The following GALC variants were observed in gnomAD, a reference collection of about 807,000 sequenced individuals.
GALC encodes the protein galactocerebrosidase.
GALC carries 77 observed loss-of-function variants against 91.8 expected under a neutral mutation model. The ratio of observed to expected loss-of-function variants is 0.84; its 90% CI spans 0.70 to 1.01. The LOEUF (loss-of-function observed/expected upper bound fraction) is 1.01. Among genes scored for constraint, GALC ranks in the 50% least tolerant of loss-of-function variants. The pLI, the probability that GALC is intolerant of heterozygous loss-of-function variation, is 0.00. For missense variants in GALC, 882 were observed against 855.9 expected (o/e 1.03, Z -0.38); for synonymous variants, 357 against 306.7 (o/e 1.16, Z -1.71).
Position 87,993,143 on chromosome 14 carries a change from C to T in GALC, c.22G>A (p.Ala8Thr), listed in dbSNP as rs1276517268. ...GCTTTCGCTCGGCGTTGCCAGGAAG[C>T]CGAGAGTAGCCACTCAGCCATTGTG... is the stretch of plus-strand genomic sequence containing the variant. Reference protein sequence around the residue: MAEWLLSASWQRRAKAMT... With the variant: MAEWLLSTSWQRRAKAMT... The change falls in exon 1 of 17, where the codon GCT becomes ACT. Residue 8 changes from alanine (A) to threonine (T), a missense_variant. Physicochemically the swap from Ala to Thr is moderately conservative, Grantham distance 58 (BLOSUM62 0). Coordinates refer to ENST00000261304, the MANE Select transcript of GALC (RefSeq NM_000153.4). The T allele has an allele frequency of 6.3e-7, 1 of 1,583,590 alleles. No individual in the cohort carries two copies. The highest frequency in any genetic ancestry group is 1.8e-5 in the Admixed American group (1 of 55,332).
intron 7 of GALC, among the ~76,000 whole-genome samples, chr14:87,974,693 A>G (rs1197040410): frequency 3.3e-5 from 5 of 152,294 alleles, no homozygotes; most frequent in Non-Finnish European, 5.9e-5. Flanking sequence ...GAGATAGTCA[A>G]GAAAAAAGCG....
intron 1 of GALC, chr14:87,992,563 C>A: frequency 1.3e-6 from 2 of 1,497,352 alleles, no homozygotes; most frequent in Non-Finnish European, 8.9e-7. Flanking sequence ...CGTTCTCTTT[C>A]GCACACGGAC....
intron 12 of GALC, 131 bp from the exon 13 acceptor site, chr14:87,948,009 G>A (rs1885147287): frequency 3.9e-6 from 3 of 772,048 alleles, no homozygotes; most frequent in Non-Finnish European, 6.3e-6. Flanking sequence ...AAACATTTGT[G>A]GAAAACTCAC....
intron 13 of GALC, among the ~76,000 whole-genome samples, chr14:87,946,720 A>AT (rs1158277519): frequency 6.6e-6 from 1 of 151,960 alleles, no homozygotes; most frequent in Non-Finnish European, 1.5e-5. Context: ...CGAGCAACAG[A>AT]TTTTAAAGAC....
At position 87,963,622 on chromosome 14, in the gene GALC, T is replaced by A. The variant is rs983451037; in HGVS notation, c.1034-111A>T. The stretch of plus-strand genomic sequence containing the variant: ...TTGAGTCTGATTCATCCAAACAAGC[T>A]ATTTTCTATTTTGCAGGAATATATC... On this transcript the variant is annotated intron_variant, in intron 9 of 16. Transcript: ENST00000261304. 2.8e-5 allele frequency: 25 copies of A among 890,526 alleles called. No homozygotes were observed. The East Asian group carries it at 6.7e-4, about 24-fold the overall frequency. 55.2% of individuals were successfully genotyped at this position (890,526 alleles called of 1,614,324 possible).
At chr14:87,950,492 C>A (rs1885255118) in intron 11 of GALC, among the ~76,000 whole-genome samples, 167 bp downstream of exon 11, 1 of 151,684 alleles carries the variant, frequency 6.6e-6, no homozygotes, top group South Asian at 2.1e-4. Flanking sequence ...TTCTGTCCTG[C>A]TAGATTAAAG....
chr14:87,954,797 A>T, intron 10 of GALC: 5 of 1,603,936 alleles, frequency 3.1e-6, no homozygotes, highest in Non-Finnish European at 4.3e-6. Flanking sequence ...GGCTGCGCAA[A>T]ATATGGATTG....
At chr14:87,970,587 G>A (rs1324164276) in intron 7 of GALC, among the ~76,000 whole-genome samples, 1 of 151,856 alleles carries the variant, frequency 6.6e-6, no homozygotes, top group Non-Finnish European at 1.5e-5. Context: ...GCAACAAAAT[G>A]TAAAGGCTCT....
chr14:87,969,683 A>C (rs190276213), intron 7 of GALC, among the ~76,000 whole-genome samples: 2 of 152,356 alleles, frequency 1.3e-5, no homozygotes, highest in Non-Finnish European at 2.9e-5. Flanking sequence ...AGTAGTATTT[A>C]TAACATCAAA....
chr14:87,941,234 A>G (rs1264259298), intron 15 of GALC, among the ~76,000 whole-genome samples, 161 bp downstream of exon 15: 2 of 151,990 alleles, frequency 1.3e-5, no homozygotes, highest in African/African-American at 4.8e-5. Context: ...ATAACTTTCT[A>G]TAATTGTAAA....
chr14:87,984,515 G>A lies in GALC; in HGVS notation c.461C>T (p.Pro154Leu). 6.2e-7 allele frequency: 1 copy of A among 1,614,122 alleles called. No homozygotes were observed. The highest frequency in any genetic ancestry group is 8.5e-7 in the Non-Finnish European group (1 of 1,180,006). The change falls in exon 5 of 17, where the codon CCT becomes CTT. Residue 154 changes from proline (P) to leucine (L), a missense_variant. Transcript: ENST00000261304. ...ITLIGLPWSF[P>L]GWLGKGFDWP... The stretch of plus-strand genomic sequence containing the variant: ...GTCGAAACCTTTTCCCAGCCATCCA[G>A]GGAATGACCATGGCAACCCTGCAGA...
At chr14:87,963,296 A>C in intron 10 of GALC, 88 bp downstream of exon 10, 2 of 1,381,054 alleles carry the variant, frequency 1.4e-6, no homozygotes, top group Non-Finnish European at 2.1e-6. Context: ...TTATGTATTT[A>C]CATGTAAAAC....
intron 4 of GALC, 57 bp from the exon 5 acceptor site, chr14:87,984,590 T>A: frequency 6.3e-7 from 1 of 1,596,240 alleles, no homozygotes; most frequent in Non-Finnish European, 8.6e-7. Context: ...CTGGCGCTAT[T>A]GAAAATAAAA....
intron 6 of GALC, 27 bp from the exon 7 acceptor site, chr14:87,976,515 G>A: frequency 6.3e-7 from 1 of 1,584,276 alleles, no homozygotes; most frequent in Non-Finnish European, 8.7e-7. Context: ...CAGAACATAT[G>A]AAAGGATACA....
chr14:87,962,612 CACACACACACACCAT>C (rs1443395216), intron 10 of GALC, among the ~76,000 whole-genome samples: 1 of 106,080 alleles, frequency 9.4e-6, no homozygotes, highest in African/African-American at 3.9e-5. Flanking sequence ...CACACACACA[CACACACACACACCAT>C]TTTTTTAAGG....
chr14:87,943,540 C>T (rs1312774019), intron 14 of GALC, among the ~76,000 whole-genome samples: 1 of 151,986 alleles, frequency 6.6e-6, no homozygotes, highest in Non-Finnish European at 1.5e-5. Context: ...GAGATGTACT[C>T]CAAAGAGAAT....
rs149342396 is a variant in GALC at position 87,950,395 on chromosome 14, A to G, written c.1251+264T>C. On this transcript the variant is annotated intron_variant, in intron 11 of 16. Transcript: ENST00000261304. ...TGCTTGAAAGTTCCCTAGACCATAAAATGCTTCTACCACCAAGAACAACTT... is the reference window on the plus strand; with the variant it reads ...TGCTTGAAAGTTCCCTAGACCATAAGATGCTTCTACCACCAAGAACAACTT... 8.1e-3 allele frequency among the ~76,000 whole-genome samples: 1,232 copies of G among 151,890 alleles called. 42 individuals are homozygous for G. Among genetic ancestry groups the G allele is most frequent in the Admixed American group, 0.053 (810 of 15,230 alleles).
In GALC at chr14:87,993,011, C is replaced by G; in HGVS notation, c.154G>C (p.Gly52Arg). 6.5e-7 allele frequency: 1 copy of G among 1,544,012 alleles called. No individual in the cohort carries two copies. The highest frequency in any genetic ancestry group is 1.2e-5 in the South Asian group (1 of 84,184). Residue 52 changes from glycine to arginine, a missense_variant, in exon 1 of 17, where the codon GGC becomes CGC. Physicochemically the swap from Gly to Arg is moderately radical, Grantham distance 125. Coordinates refer to ENST00000261304, the MANE Select transcript of GALC (RefSeq NM_000153.4). ...AYVLDDSDGL[G>R]REFDGIGAVS... is the part of the protein sequence containing the mutation. ...GCGCCGATGCCGTCGAACTCCCGGCCCAGCCCGTCGGAGTCGTCGAGCACG... is the reference window on the plus strand; with the variant it reads ...GCGCCGATGCCGTCGAACTCCCGGCGCAGCCCGTCGGAGTCGTCGAGCACG...
intron 1 of GALC, 143 bp downstream of exon 1, chr14:87,992,827 C>T: frequency 7.1e-7 from 1 of 1,402,284 alleles, no homozygotes; most frequent in South Asian, 1.6e-5. Flanking sequence ...CCGCCCCAAC[C>T]GCCTGCTGAC....
Sources: allele counts gnomAD v4.1 joint callset (sites outside exome capture counted in the v4.1 genomes callset), GRCh38; gene constraint gnomAD v4.1.1; transcripts MANE v1.5; gene names NCBI Gene and HGNC (gene_info 2026-07-23, HGNC 2026-07-21).